Variants in TENM2 observed in about 807,000 individuals in gnomAD.
The protein encoded by TENM2 is teneurin-2.
TENM2 carries 52 observed loss-of-function variants against 245.2 expected under a neutral mutation model. The observed-to-expected ratio is 0.21, with a 90% CI of 0.17 to 0.27. The LOEUF is 0.27. TENM2 is among the 10% of genes least tolerant of loss of function. The pLI, the probability that TENM2 is intolerant of heterozygous loss-of-function variation, is 1.00. For missense variants in TENM2, 3,046 were observed against 3,666.8 expected, an observed-to-expected ratio of 0.83 and a Z score of 4.37; for synonymous variants, 1,363 against 1,438.9, an observed-to-expected ratio of 0.95 and a Z score of 1.19.
chr5:167,933,669 A>G (rs559485883), intron 3 of TENM2, among the ~76,000 whole-genome samples: 189 of 146,268 alleles, frequency 1.3e-3, no homozygotes, highest in Middle Eastern at 3.5e-3. Flanking sequence ...ATAAATTGTG[A>G]AAAAAAAAAA....
At chr5:167,948,778 T>A (rs1253182084) in intron 3 of TENM2, 1 of 152,228 alleles carries the variant, frequency 6.6e-6, no homozygotes, top group Non-Finnish European at 1.5e-5. Context: ...CTTAGTAATA[T>A]GCACATTAAT....
chr5:167,264,111 A>G, the TENM2 span, among the ~76,000 whole-genome samples: 4 of 152,008 alleles, frequency 2.6e-5, no homozygotes, highest in African/African-American at 9.7e-5. Context: ...GTCTCAAAAA[A>G]AAAAAAAAAA....
intron 2 of TENM2, among the ~76,000 whole-genome samples, chr5:167,565,118 A>C (rs4869057): frequency 6.6e-6 from 1 of 152,246 alleles, no homozygotes; most frequent in Non-Finnish European, 1.5e-5. Flanking sequence ...TTTAAGAAGT[A>C]CCCAAATTCT....
intron 2 of TENM2, among the ~76,000 whole-genome samples, chr5:167,531,563 G>A (rs1771503050): frequency 6.6e-6 from 1 of 151,594 alleles, no homozygotes; most frequent in Non-Finnish European, 1.5e-5. Flanking sequence ...CAGTTACCGT[G>A]CTGTACAATA....
In TENM2 at chr5:168,047,695, G is replaced by T. The variant is rs536343959; in HGVS notation, c.1309+146G>T. On this transcript the variant is annotated intron_variant, in intron 6 of 28. Transcript: ENST00000518659. ...GGAAAAATCATTGCCTTTCATAGGT[G>T]CCCCCATTAAAAGCTGTTTGCTGTT... 18 of 1,014,162 alleles carry T rather than the reference G, an allele frequency of 1.8e-5. No individual in the cohort carries two copies. In the Admixed American group the frequency reaches 2.5e-4, roughly 14 times the overall value. 62.8% of individuals were successfully genotyped at this position (1,014,162 alleles called of 1,614,324 possible).
chr5:167,807,901 G>T (rs1766347785), intron 2 of TENM2, among the ~76,000 whole-genome samples: 1 of 152,128 alleles, frequency 6.6e-6, no homozygotes, highest in Admixed American at 6.5e-5. Flanking sequence ...GTAGGAATGG[G>T]ATCCAGGCAA....
chr5:167,192,203 G>A, the TENM2 span, among the ~76,000 whole-genome samples: 1 of 152,046 alleles, frequency 6.6e-6, no homozygotes, highest in Non-Finnish European at 1.5e-5. Context: ...AGCAGTACCA[G>A]GGTCCATTCA....
At chr5:167,755,216 A>C (rs776149151) in intron 2 of TENM2, 1 of 1,579,620 alleles carries the variant, frequency 6.3e-7, no homozygotes, top group African/African-American at 1.3e-5. Context: ...ATGTGCATGC[A>C]GATGGGGTTT....
At chr5:167,430,965 G>A (rs33998648) in intron 2 of TENM2, among the ~76,000 whole-genome samples, 37,028 of 152,086 alleles carry the variant, frequency 0.24, 5,184 homozygotes, top group African/African-American at 0.36. Flanking sequence ...ACTTTATGGA[G>A]CCTGAAAAAT....
intron 2 of TENM2, among the ~76,000 whole-genome samples, chr5:167,689,135 C>T (rs886322251): frequency 5.9e-5 from 9 of 152,126 alleles, no homozygotes; most frequent in Non-Finnish European, 1.2e-4. Flanking sequence ...AGGGAAACAC[C>T]TGTGAAAACT....
the TENM2 span, among the ~76,000 whole-genome samples, chr5:166,986,651 G>C: frequency 6.6e-6 from 1 of 152,148 alleles, no homozygotes; most frequent in African/African-American, 2.4e-5. Flanking sequence ...TTGAACTTGA[G>C]ACATTTGGAA....
intron 1 of TENM2, among the ~76,000 whole-genome samples, chr5:167,314,880 T>C (rs945744346): frequency 5.9e-5 from 9 of 152,090 alleles, no homozygotes; most frequent in Admixed American, 3.3e-4. Context: ...TCTATCTGGA[T>C]ACATTTTTAT....
intron 2 of TENM2, among the ~76,000 whole-genome samples, chr5:167,566,866 G>A (rs567372685): frequency 3.3e-5 from 5 of 152,212 alleles, no homozygotes; most frequent in South Asian, 4.1e-4. Flanking sequence ...AGGTGGCTCC[G>A]CTACTTTGGT....
At chr5:167,248,025 A>G in the TENM2 span, among the ~76,000 whole-genome samples, 1 of 152,154 alleles carries the variant, frequency 6.6e-6, no homozygotes, top group East Asian at 1.9e-4. Flanking sequence ...AGTTGGCAGT[A>G]TGTCTAAAAG....
intron 12 of TENM2, among the ~76,000 whole-genome samples, chr5:168,135,241 G>A (rs1036499716): frequency 2.6e-5 from 4 of 152,150 alleles, no homozygotes; most frequent in Non-Finnish European, 4.4e-5. Flanking sequence ...CTGGGGATTC[G>A]TTGCAATTTT....
intron 1 of TENM2, among the ~76,000 whole-genome samples, chr5:167,345,804 C>T (rs886275533): frequency 6.7e-6 from 1 of 149,886 alleles, no homozygotes. Context: ...CCCTAGAGAA[C>T]TTCTTTTTGA....
chr5:167,998,634 T>A (rs1388273843), intron 5 of TENM2, among the ~76,000 whole-genome samples: 1 of 152,166 alleles, frequency 6.6e-6, no homozygotes, highest in Non-Finnish European at 1.5e-5. Context: ...AGCATTTATG[T>A]CATCCTAAAT....
intron 2 of TENM2, among the ~76,000 whole-genome samples, chr5:167,404,074 CCTCTT>C (rs1561927750): frequency 6.6e-6 from 1 of 152,026 alleles, no homozygotes; most frequent in Non-Finnish European, 1.5e-5. Context: ...AATTATTTCT[CCTCTT>C]AACTTTCATG....
At chr5:167,580,099 A>C (rs1774984690) in intron 2 of TENM2, among the ~76,000 whole-genome samples, 1 of 152,116 alleles carries the variant, frequency 6.6e-6, no homozygotes, top group East Asian at 1.9e-4. Flanking sequence ...TACGGTCCTG[A>C]TTATCCAGGG....
Sources: gnomAD v4.1 joint callset for allele counts (sites outside exome capture counted in the v4.1 genomes callset) on GRCh38, gnomAD v4.1.1 for gene constraint, MANE v1.5 for transcripts, NCBI Gene and HGNC (gene_info 2026-07-23, HGNC 2026-07-21) for gene names.